Variants in CELF2 observed in about 807,000 individuals in gnomAD.
The protein encoded by CELF2 is CUGBP Elav-like family member 2, also known as CUG triplet repeat RNA-binding protein 2.
Under a neutral mutation model 62.6 loss-of-function variants are expected in CELF2, and 8 were observed. The ratio of observed to expected loss-of-function variants is 0.13; its 90% CI spans 0.07 to 0.23. The LOEUF is 0.23. CELF2 is among the 10% of genes least tolerant of loss of function. The pLI, the probability that CELF2 is intolerant of heterozygous loss-of-function variation, is 1.00. For missense variants in CELF2, 333 were observed against 671.0 expected, an observed-to-expected ratio of 0.50 and a Z score of 5.56; for synonymous variants, 258 against 250.0, an observed-to-expected ratio of 1.03 and a Z score of -0.30.
chr10:10,671,602 G>A, the CELF2 span, among the ~76,000 whole-genome samples: 1 of 152,178 alleles, frequency 6.6e-6, no homozygotes, highest in Non-Finnish European at 1.5e-5. Context: ...ATTTGGTGTG[G>A]TCAATATTCT....
At chr10:10,754,061 G>GGTTTTTTTTTT in the CELF2 span, among the ~76,000 whole-genome samples, 8 of 85,056 alleles carry the variant, frequency 9.4e-5, 1 homozygote, top group Admixed American at 3.0e-4. Flanking sequence ...TGCTGAGGTG[G>GGTTTTTTTTTT]TTTTTTTTTT....
At chr10:10,495,449 C>G in the CELF2 span, among the ~76,000 whole-genome samples, 1 of 152,028 alleles carries the variant, frequency 6.6e-6, no homozygotes. Context: ...AGACATTGCC[C>G]CTTTACTAGG....
chr10:10,577,364 TTTATTATTA>T, the CELF2 span, among the ~76,000 whole-genome samples: 13 of 141,424 alleles, frequency 9.2e-5, no homozygotes, highest in African/African-American at 2.3e-4. Context: ...AACAAATCTT[TTTATTATTA>T]TTATTATTAT....
At chr10:10,473,304 C>T in the CELF2 span, among the ~76,000 whole-genome samples, 1 of 151,880 alleles carries the variant, frequency 6.6e-6, no homozygotes, top group African/African-American at 2.4e-5. Context: ...CAAGGAAAGA[C>T]AAAGATTTCC....
chr10:10,904,661 C>T (rs1274615723), intron 1 of CELF2, among the ~76,000 whole-genome samples: 2 of 152,156 alleles, frequency 1.3e-5, no homozygotes, highest in Admixed American at 6.5e-5. Flanking sequence ...CTGTTGCAGA[C>T]GTCGCTGTGA....
In CELF2 at chr10:10,806,265, C is replaced by T. The variant is rs147702791; in HGVS notation, c.53+7448C>T. Among the ~76,000 whole-genome samples, 277 of 147,188 alleles carry T rather than the reference C, an allele frequency of 1.9e-3. 1 individual carries two copies. The highest frequency in any genetic ancestry group is 6.5e-3 in the African/African-American group (257 of 39,586). On this transcript the variant is annotated intron_variant, in intron 1 of 13. Coordinates refer to the CELF2 transcript ENST00000636488. ...CTGTAGCCAGGCTGGAGTGCAGTGG[C>T]GTGATCTTGGTTCACTGCAACCTCT...
At chr10:11,106,197 T>C (rs118085411) in intron 1 of CELF2, among the ~76,000 whole-genome samples, 1 of 141,268 alleles carries the variant, frequency 7.1e-6, no homozygotes, top group Non-Finnish European at 1.5e-5. Flanking sequence ...TTTTATTTTA[T>C]TTTACTTTAT....
At position 11,152,236 on chromosome 10, in the gene CELF2, A is replaced by G. The variant is rs531427678; in HGVS notation, c.75-13250A>G. Among the ~76,000 whole-genome samples the G allele has an allele frequency of 5.9e-5, 9 of 152,270 alleles. No individual in the cohort carries two copies. In the South Asian group the frequency reaches 1.9e-3, roughly 32 times the overall value. ...ATTCATGTAGTCACTGCGAAACTGGACCAAGTTTGGACAGAAAGAAAAGAA... is the reference window on the plus strand; with the variant it reads ...ATTCATGTAGTCACTGCGAAACTGGGCCAAGTTTGGACAGAAAGAAAAGAA... On this transcript the variant is annotated intron_variant, in intron 1 of 12. Transcript: ENST00000633077.
At chr10:10,601,323 G>A in the CELF2 span, among the ~76,000 whole-genome samples, 5 of 152,218 alleles carry the variant, frequency 3.3e-5, no homozygotes, top group Non-Finnish European at 5.9e-5. Flanking sequence ...GGAGAACAGG[G>A]ATGGGGACAG....
rs145311816 is a variant in CELF2 at position 11,227,960 on chromosome 10, G to A, written c.354+10453G>A. Among the ~76,000 whole-genome samples, 8 of 152,310 alleles carry A rather than the reference G, an allele frequency of 5.3e-5. No individual in the cohort carries two copies. The East Asian group carries it at 1.4e-3, about 26-fold the overall frequency. On this transcript the variant is annotated intron_variant, in intron 3 of 12. Coordinates refer to ENST00000633077, the MANE Select transcript of CELF2 (RefSeq NM_001326342.2). The surrounding 1 kb of genome is among the most constrained non-coding windows in gnomAD (Gnocchi z 4.8). ...ACGGTATTATTGTTTCCTCAGAAGA[G>A]TGTGTATTTAAATACCTGCCAGGAA...
chr10:10,857,952 G>A (rs1432226659), intron 1 of CELF2, among the ~76,000 whole-genome samples: 2 of 151,484 alleles, frequency 1.3e-5, no homozygotes, highest in African/African-American at 4.9e-5. Flanking sequence ...CACTAGATGG[G>A]CTTAACAGCA....
chr10:11,049,667 G>T (rs984913776), intron 1 of CELF2, among the ~76,000 whole-genome samples: 1 of 151,220 alleles, frequency 6.6e-6, no homozygotes, highest in Non-Finnish European at 1.5e-5. Context: ...CATACTTAGA[G>T]AATTTGGACT....
chr10:11,196,133 A>G (rs1565221835), intron 2 of CELF2, among the ~76,000 whole-genome samples: 4 of 152,086 alleles, frequency 2.6e-5, no homozygotes, highest in Non-Finnish European at 5.9e-5. Flanking sequence ...TAGCAGCTGT[A>G]TTATCATATA....
the CELF2 span, among the ~76,000 whole-genome samples, chr10:10,584,767 T>C: frequency 6.6e-6 from 1 of 152,204 alleles, no homozygotes; most frequent in East Asian, 1.9e-4. Context: ...CTGTCTCTGC[T>C]GTCCAATGCA....
chr10:10,997,317 A>G lies in CELF2; in HGVS notation c.89+77318A>G, dbSNP rs2054063598. Among the ~76,000 whole-genome samples, 1 of 152,220 alleles carries G rather than the reference A, an allele frequency of 6.6e-6. No individual in the cohort carries two copies. Among genetic ancestry groups the G allele is most frequent in the African/African-American group, 2.4e-5 (1 of 41,464 alleles). ...ACACCATCTCTGAAAAAGTATAAAA[A>G]ATGAAAAAGAGCTATGGATGTGTTA... On this transcript the variant is annotated intron_variant, in intron 2 of 13. Transcript: ENST00000636488. This position sits in a 1 kb window ranked among gnomAD's most constrained non-coding sequence, Gnocchi z 5.3.
chr10:10,904,071 C>T (rs1270147916), intron 1 of CELF2, among the ~76,000 whole-genome samples: 1 of 152,134 alleles, frequency 6.6e-6, no homozygotes, highest in Non-Finnish European at 1.5e-5. Flanking sequence ...CCTTCCAGGA[C>T]CGTTGCCATC....
At position 11,271,437 on chromosome 10, in the gene CELF2, TC is replaced by T. The variant is rs560870069; in HGVS notation, c.777+618del. Reference sequence around the variant, plus strand: ...ACACAGTGACCAGAATTTAAGACAGTCCCCCGAGCGAGATCTGAACAGGACG... The same window carrying T: ...ACACAGTGACCAGAATTTAAGACAGTCCCCGAGCGAGATCTGAACAGGACG... On this transcript the variant is annotated intron_variant, in intron 7 of 12. Transcript: ENST00000633077. Among the ~76,000 whole-genome samples the T allele has an allele frequency of 6.3e-3, 963 of 152,166 alleles. 15 individuals carry two copies. Among genetic ancestry groups the T allele is most frequent in the African/African-American group, 0.022 (900 of 41,514 alleles).
In CELF2 at chr10:11,297,382, G is replaced by A. The variant is rs1322044875; in HGVS notation, c.976+8830G>A. On this transcript the variant is annotated intron_variant, in intron 9 of 12. Transcript: ENST00000633077. The surrounding 1 kb of genome is among the most constrained non-coding windows in gnomAD (Gnocchi z 4.4). Reference sequence around the variant, plus strand: ...GCCCGGGGAGGGGTGAGGTCATCAGGCCAAAATCACCAGCAAGGCAAGGCG... The same window carrying A: ...GCCCGGGGAGGGGTGAGGTCATCAGACCAAAATCACCAGCAAGGCAAGGCG... Among the ~76,000 whole-genome samples, 1 of 152,176 alleles carries A rather than the reference G, an allele frequency of 6.6e-6. No individual in the cohort carries two copies. Among genetic ancestry groups the A allele is most frequent in the African/African-American group, 2.4e-5 (1 of 41,430 alleles).
At chr10:11,036,223 C>T (rs1011852303) in intron 1 of CELF2, among the ~76,000 whole-genome samples, 2 of 152,232 alleles carry the variant, frequency 1.3e-5, no homozygotes, top group African/African-American at 4.8e-5. Flanking sequence ...TTCTCTTCAG[C>T]TTATAGACAA....
Sources: allele counts gnomAD v4.1 joint callset (sites outside exome capture counted in the v4.1 genomes callset), GRCh38; gene constraint gnomAD v4.1.1; non-coding constraint Gnocchi (gnomAD v3.1); transcripts MANE v1.5; gene names NCBI Gene and HGNC (gene_info 2026-07-23, HGNC 2026-07-21).